RANBP2: variants seen among roughly 807,000 people sequenced by gnomAD.
The protein encoded by RANBP2 is E3 SUMO-protein ligase RanBP2.
A neutral mutation model predicts 303.6 loss-of-function variants in RANBP2; 57 were observed. The ratio of observed to expected loss-of-function variants is 0.19; its 90% CI spans 0.15 to 0.23. The LOEUF is 0.23. Ranked by LOEUF, RANBP2 falls within the 10% of genes least tolerant of loss-of-function variation. The probability of loss-of-function intolerance (pLI) is 1.00; values close to 1 mark genes in which losing one functional copy is unlikely to be tolerated. For synonymous variants in RANBP2, 1,167 were observed against 1,301.5 expected, an observed-to-expected ratio of 0.90 and a Z score of 2.23; for missense variants, 3,138 against 3,780.8, an observed-to-expected ratio of 0.83 and a Z score of 4.46.
chr2:109,266,283 G>A, the RANBP2 span, among the ~76,000 whole-genome samples: 2 of 151,434 alleles, frequency 1.3e-5, no homozygotes, highest in Non-Finnish European at 2.9e-5. Flanking sequence ...TTATTTGCAT[G>A]TTTGTGTTGT....
At chr2:109,086,426 A>G in the RANBP2 span, among the ~76,000 whole-genome samples, 2 of 152,164 alleles carry the variant, frequency 1.3e-5, no homozygotes, top group Non-Finnish European at 2.9e-5. Context: ...TAATTCTCCA[A>G]ACAAGCCCAA....
the RANBP2 span, among the ~76,000 whole-genome samples, chr2:109,432,296 C>T: frequency 3.3e-5 from 5 of 152,160 alleles, no homozygotes; most frequent in African/African-American, 4.8e-5. Context: ...GGCAGCTCCC[C>T]GAAGGCTCCC....
chr2:109,561,673 GGA>G, the RANBP2 span, among the ~76,000 whole-genome samples: 2 of 151,940 alleles, frequency 1.3e-5, no homozygotes, highest in Non-Finnish European at 2.9e-5. Context: ...TAAAACCTCT[GGA>G]TTACCAACTA....
At chr2:108,799,801 T>G in the RANBP2 span, among the ~76,000 whole-genome samples, 1 of 152,110 alleles carries the variant, frequency 6.6e-6, no homozygotes, top group Non-Finnish European at 1.5e-5. Flanking sequence ...GCTCCATTCC[T>G]TTTTTTCCCA....
chr2:109,034,270 C>CAAAA, the RANBP2 span, among the ~76,000 whole-genome samples: 7 of 38,106 alleles, frequency 1.8e-4, no homozygotes, highest in Non-Finnish European at 2.5e-4. Context: ...GACTCCATCT[C>CAAAA]AAAAAAAAAA....
At chr2:108,872,054 T>C in the RANBP2 span, among the ~76,000 whole-genome samples, 1 of 152,350 alleles carries the variant, frequency 6.6e-6, no homozygotes, top group East Asian at 1.9e-4. Flanking sequence ...TACTTCATGT[T>C]TGAGAATGCC....
At chr2:109,571,144 G>A in the RANBP2 span, among the ~76,000 whole-genome samples, 18 of 152,156 alleles carry the variant, frequency 1.2e-4, no homozygotes, top group Non-Finnish European at 1.6e-4. Flanking sequence ...CTTCCCCTTC[G>A]CCTTCCGCCA....
At chr2:109,066,809 G>T in the RANBP2 span, among the ~76,000 whole-genome samples, 2 of 152,116 alleles carry the variant, frequency 1.3e-5, no homozygotes, top group African/African-American at 2.4e-5. Flanking sequence ...GAGCCGAGCG[G>T]TAAAGGAAGG....
At chr2:109,173,755 A>G in the RANBP2 span, among the ~76,000 whole-genome samples, 1 of 152,200 alleles carries the variant, frequency 6.6e-6, no homozygotes, top group Non-Finnish European at 1.5e-5. Context: ...GGACTGTGGT[A>G]GCCTGCCTGT....
chr2:109,489,857 G>T, the RANBP2 span, among the ~76,000 whole-genome samples: 1 of 152,042 alleles, frequency 6.6e-6, no homozygotes. Flanking sequence ...CCCACCTCAG[G>T]CTCCTGAGTA....
the RANBP2 span, among the ~76,000 whole-genome samples, chr2:109,278,051 C>T: frequency 1.3e-5 from 2 of 150,928 alleles, no homozygotes; most frequent in Non-Finnish European, 2.9e-5. Flanking sequence ...GTGTCATGCA[C>T]CTATAGTCCC....
At chr2:109,613,850 AAGCGGCTGTATCAGCCCGGCCCCG>A in the RANBP2 span, 9 of 1,236,352 alleles carry the variant, frequency 7.3e-6, no homozygotes, top group Admixed American at 1.3e-4. Context: ...GGGCACGGTG[AAGCGGCTGTATCAGCCCGGCCCCG>A]AGCGGCTGGT....
At chr2:109,701,165 C>G in the RANBP2 span, among the ~76,000 whole-genome samples, 1 of 152,188 alleles carries the variant, frequency 6.6e-6, no homozygotes, top group Admixed American at 6.5e-5. Flanking sequence ...CGAGCCCAAA[C>G]CCCATGAGGA....
the RANBP2 span, among the ~76,000 whole-genome samples, chr2:109,672,666 A>C: frequency 6.6e-6 from 1 of 152,244 alleles, no homozygotes; most frequent in East Asian, 1.9e-4. Flanking sequence ...AGAAACAAGT[A>C]ATCTATATTG....
the RANBP2 span, among the ~76,000 whole-genome samples, chr2:109,661,207 C>T: frequency 5.3e-5 from 8 of 151,032 alleles, no homozygotes; most frequent in South Asian, 2.1e-4. Flanking sequence ...TGCAGACTAA[C>T]GGAAGGTGAA....
the RANBP2 span, among the ~76,000 whole-genome samples, chr2:109,610,724 AAG>A: frequency 2.0e-5 from 3 of 152,190 alleles, no homozygotes; most frequent in Non-Finnish European, 2.9e-5. Flanking sequence ...TTCAAAAAAA[AAG>A]AGAGAAATGA....
At chr2:108,808,950 G>T in the RANBP2 span, among the ~76,000 whole-genome samples, 1 of 152,068 alleles carries the variant, frequency 6.6e-6, no homozygotes, top group Non-Finnish European at 1.5e-5. Context: ...ATAGTTTTGG[G>T]TCTTATATTT....
At chr2:109,078,102 A>ATATATATATATAGCG in the RANBP2 span, among the ~76,000 whole-genome samples, 24 of 90,128 alleles carry the variant, frequency 2.7e-4, 3 homozygotes, top group African/African-American at 8.0e-4. Context: ...ATATATATAT[A>ATATATATATATAGCG]TATATATATA....
At chr2:108,973,960 TCAACAATC>T in the RANBP2 span, among the ~76,000 whole-genome samples, 1 of 152,180 alleles carries the variant, frequency 6.6e-6, no homozygotes, top group South Asian at 2.1e-4. Flanking sequence ...CACAAAAGGC[TCAACAATC>T]CACTTCCAGG....
Sources: gnomAD v4.1 joint callset for allele counts (sites outside exome capture counted in the v4.1 genomes callset) on GRCh38, gnomAD v4.1.1 for gene constraint, MANE v1.5 for transcripts, NCBI Gene and HGNC (gene_info 2026-07-23, HGNC 2026-07-21) for gene names.